CD28: variants seen among roughly 807,000 people sequenced by gnomAD.
CD28 encodes the protein CD28 molecule.
In CD28, 8 loss-of-function variants were observed where a neutral mutation model predicts 21.4. The observed-to-expected ratio is 0.37, with a 90% CI of 0.22 to 0.68. The LOEUF is 0.68. Ranked by LOEUF, CD28 falls within the 30% of genes least tolerant of loss-of-function variation. CD28 has a pLI of 0.55. For missense variants in CD28, 239 were observed against 272.2 expected (o/e 0.88, Z 0.86); for synonymous variants, 106 against 104.0 (o/e 1.02, Z -0.12).
At chr2:203,720,181 T>C (rs1003969226) in intron 1 of CD28, among the ~76,000 whole-genome samples, 1 of 152,166 alleles carries the variant, frequency 6.6e-6, no homozygotes, top group African/African-American at 2.4e-5. Context: ...TCACTCTTCA[T>C]GTTGCCTGTT....
In CD28 at chr2:203,726,676, C is replaced by T. The variant is rs143716553; in HGVS notation, c.96C>T (p.Tyr32=). The T allele has an allele frequency of 6.2e-6, 10 of 1,614,024 alleles. No individual in the cohort carries two copies. The highest frequency in any genetic ancestry group is 3.3e-5 in the South Asian group (3 of 91,060). Reference sequence around the variant, plus strand: ...AGCAGTCGCCCATGCTTGTAGCGTACGACAATGCGGTCAACCTTAGCTGCA... The same window carrying T: ...AGCAGTCGCCCATGCTTGTAGCGTATGACAATGCGGTCAACCTTAGCTGCA... ...LVKQSPMLVA[Y]DNAVNLSCKY... Residue 32 remains tyrosine, a synonymous_variant, in exon 2 of 4, where the codon TAC becomes TAT. Coordinates refer to ENST00000324106, the MANE Select transcript of CD28 (RefSeq NM_006139.4).
At chr2:203,729,956 A>G (rs1581516402) in intron 3 of CD28, among the ~76,000 whole-genome samples, 184 bp downstream of exon 3, 1 of 152,294 alleles carries the variant, frequency 6.6e-6, no homozygotes. Context: ...ATCTGATATG[A>G]GTTAGATTTC....
Position 203,729,727 on chromosome 2 carries a change from G to T in CD28, c.489G>T (p.Leu163=), listed in dbSNP as rs1403945362. 6.2e-7 allele frequency: 1 copy of T among 1,613,946 alleles called. No homozygotes were observed. The highest frequency in any genetic ancestry group is 8.5e-7 in the Non-Finnish European group (1 of 1,179,972). Reference sequence around the variant, plus strand: ...TGCTGGTGGTGGTTGGTGGAGTCCTGGCTTGCTATAGCTTGCTAGTAACAG... The same window carrying T: ...TGCTGGTGGTGGTTGGTGGAGTCCTTGCTTGCTATAGCTTGCTAGTAACAG... ...FWVLVVVGGV[L]ACYSLLVTVA... The change falls in exon 3 of 4, where the codon CTG becomes CTT. Residue 163 remains leucine, a synonymous_variant. Transcript: ENST00000324106.
chr2:203,733,134 C>T (rs915098545), intron 3 of CD28, among the ~76,000 whole-genome samples: 6 of 152,212 alleles, frequency 3.9e-5, no homozygotes, highest in African/African-American at 1.4e-4. Context: ...CCCTGCCCTG[C>T]TGTGATCTTG....
Position 203,727,430 on chromosome 2 carries a change from T to TTTCC in CD28, c.409+476_409+479dup, listed in dbSNP as rs762878963. 8.0e-3 allele frequency among the ~76,000 whole-genome samples: 789 copies of TTTCC among 98,888 alleles called. 4 individuals are homozygous for TTTCC. Among genetic ancestry groups the TTTCC allele is most frequent in the African/African-American group, 0.015 (378 of 24,502 alleles). 64.9% of individuals were successfully genotyped at this position (98,888 alleles called of 152,430 possible). On this transcript the variant is annotated intron_variant, in intron 2 of 3. Transcript: ENST00000324106. Reference sequence around the variant, plus strand: ...TGTAAAAGTACCTTTCCATTTTCTTTTTCCTTCCTTCCTTCCTTCCTTCCT... The same window carrying TTTCC: ...TGTAAAAGTACCTTTCCATTTTCTTTTTCCTTCCTTCCTTCCTTCCTTCCTTCCT...
intron 3 of CD28, among the ~76,000 whole-genome samples, chr2:203,734,304 T>C (rs187639858): frequency 3.9e-5 from 6 of 152,376 alleles, no homozygotes; most frequent in Admixed American, 3.9e-4. Context: ...TCTAGAACTG[T>C]AAATTGCCAT....
Position 203,726,692 on chromosome 2 carries a change from C to G in CD28, c.112C>G (p.Leu38Val). The G allele has an allele frequency of 6.2e-7, 1 of 1,614,068 alleles. No homozygotes were observed. Among genetic ancestry groups the G allele is most frequent in the East Asian group, 2.2e-5 (1 of 44,870 alleles). ...MLVAYDNAVN[L>V]SCKYSYNLFS... is the part of the protein sequence containing the mutation. Reference sequence around the variant, plus strand: ...TGTAGCGTACGACAATGCGGTCAACCTTAGCTGCAAGTATTCCTACAATCT... The same window carrying G: ...TGTAGCGTACGACAATGCGGTCAACGTTAGCTGCAAGTATTCCTACAATCT... The change falls in exon 2 of 4, where the codon CTT (leucine) becomes GTT (valine). Residue 38 changes from leucine to valine, a missense_variant. Physicochemically the swap from Leu to Val is conservative, Grantham distance 32. Around this residue, in one of 3 missense-constraint regions of CD28, gnomAD observed 104 missense variants for 108.5 expected, o/e 0.96. Transcript: ENST00000324106.
At chr2:203,713,875 GAC>G (rs1491409480) in intron 1 of CD28, among the ~76,000 whole-genome samples, 80 of 104,552 alleles carry the variant, frequency 7.7e-4, no homozygotes, top group Middle Eastern at 5.3e-3. Context: ...GAGAGAGAGA[GAC>G]AGAGAGAGAG....
chr2:203,717,378 C>T (rs1169455054), intron 1 of CD28, among the ~76,000 whole-genome samples: 1 of 152,154 alleles, frequency 6.6e-6, no homozygotes, highest in Non-Finnish European at 1.5e-5. Context: ...ATGGTGGCCT[C>T]CACTACACAA....
chr2:203,709,311 T>C (rs191144478), intron 1 of CD28, among the ~76,000 whole-genome samples: 46 of 152,178 alleles, frequency 3.0e-4, no homozygotes, highest in Non-Finnish European at 3.1e-4. Context: ...CATGTGTGTG[T>C]ATGTATGTAT....
chr2:203,712,977 G>T (rs1693356788), intron 1 of CD28, among the ~76,000 whole-genome samples: 1 of 152,228 alleles, frequency 6.6e-6, no homozygotes, highest in Admixed American at 6.5e-5. Flanking sequence ...AGTGGGTAGA[G>T]CATCTTGCTT....
chr2:203,714,517 A>G (rs1171292168), intron 1 of CD28, among the ~76,000 whole-genome samples: 6 of 152,036 alleles, frequency 3.9e-5, no homozygotes, highest in Non-Finnish European at 8.8e-5. Context: ...TCAAACTCAA[A>G]AGCTAATCCC....
intron 3 of CD28, among the ~76,000 whole-genome samples, chr2:203,733,304 A>G (rs1693946727): frequency 6.6e-6 from 1 of 152,162 alleles, no homozygotes; most frequent in Non-Finnish European, 1.5e-5. Flanking sequence ...TTTAGACTTC[A>G]CTAAATGTCT....
Position 203,726,702 on chromosome 2 carries a change from A to G in CD28, c.122A>G (p.Lys41Arg). 1.2e-6 allele frequency: 2 copies of G among 1,614,142 alleles called. No individual in the cohort carries two copies. Among genetic ancestry groups the G allele is most frequent in the Non-Finnish European group, 1.7e-6 (2 of 1,180,016 alleles). ...AYDNAVNLSC[K>R]YSYNLFSREF... ...GACAATGCGGTCAACCTTAGCTGCAAGTATTCCTACAATCTCTTCTCAAGG... is the reference window on the plus strand; with the variant it reads ...GACAATGCGGTCAACCTTAGCTGCAGGTATTCCTACAATCTCTTCTCAAGG... Residue 41 changes from lysine to arginine, a missense_variant, in exon 2 of 4, where the codon AAG (lysine) becomes AGG (arginine). By Grantham distance (26) the Lys-to-Arg change is conservative. This residue lies in a region of CD28 where 104 missense variants were observed against 108.5 expected (regional missense o/e 0.96). Transcript: ENST00000324106.
chr2:203,709,778 C>G (rs986732675), intron 1 of CD28, among the ~76,000 whole-genome samples: 2 of 152,146 alleles, frequency 1.3e-5, no homozygotes, highest in African/African-American at 4.8e-5. Context: ...TTTAGCAAGC[C>G]TAATCATCCA....
intron 1 of CD28, among the ~76,000 whole-genome samples, chr2:203,713,278 C>T (rs1693364930): frequency 6.6e-6 from 1 of 152,040 alleles, no homozygotes; most frequent in Non-Finnish European, 1.5e-5. Context: ...ATTTCAGAAT[C>T]CTTATCTTTG....
chr2:203,726,552 GTTAA>G, intron 1 of CD28, 77 bp from the exon 2 acceptor site: 1 of 952,362 alleles, frequency 1.1e-6, no homozygotes, highest in Non-Finnish European at 1.6e-6. Context: ...TGTTCATTTA[GTTAA>G]TTAATATATT....
At chr2:203,725,956 C>T (rs1433961472) in intron 1 of CD28, among the ~76,000 whole-genome samples, 1 of 152,140 alleles carries the variant, frequency 6.6e-6, no homozygotes, top group African/African-American at 2.4e-5. Context: ...TGCTTGTAAT[C>T]CCAGCACTTT....
At chr2:203,713,319 C>G (rs554101191) in intron 1 of CD28, among the ~76,000 whole-genome samples, 18 of 152,086 alleles carry the variant, frequency 1.2e-4, no homozygotes, top group Non-Finnish European at 2.2e-4. Flanking sequence ...GAATGGATGG[C>G]TAGTCGAAAG....
Sources: allele counts gnomAD v4.1 joint callset (sites outside exome capture counted in the v4.1 genomes callset), GRCh38; gene constraint gnomAD v4.1.1; regional missense constraint gnomAD v4.1.1; transcripts MANE v1.5; gene names NCBI Gene and HGNC (gene_info 2026-07-23, HGNC 2026-07-21).